Variants in CREB3L2 observed in about 807,000 individuals in gnomAD.
CREB3L2 encodes the protein cAMP responsive element binding protein 3 like 2, also known as cyclic AMP-responsive element-binding protein 3-like protein 2.
A neutral mutation model predicts 57.2 loss-of-function variants in CREB3L2; 23 were observed. The ratio of observed to expected loss-of-function variants is 0.40; its 90% confidence interval spans 0.29 to 0.57. CREB3L2 has a LOEUF of 0.57. CREB3L2 is among the 20% of genes least tolerant of loss of function. CREB3L2 has a pLI of 0.42. For missense variants in CREB3L2, 628 were observed against 634.7 expected (o/e 0.99, Z 0.11); for synonymous variants, 268 against 265.1 (o/e 1.01, Z -0.11).
intron 2 of CREB3L2, among the ~76,000 whole-genome samples, chr7:137,927,720 T>A (rs534377278): frequency 2.7e-4 from 40 of 147,684 alleles, no homozygotes; most frequent in Non-Finnish European, 5.8e-4. Flanking sequence ...ATGGGGTCAA[T>A]AGAACATGAT....
intron 1 of CREB3L2, among the ~76,000 whole-genome samples, chr7:137,971,533 C>G (rs1585667625): frequency 6.6e-6 from 1 of 152,012 alleles, no homozygotes; most frequent in East Asian, 1.9e-4. Flanking sequence ...AGAACTTGAT[C>G]TTTTTGCGGC....
intron 8 of CREB3L2, among the ~76,000 whole-genome samples, chr7:137,900,664 C>T (rs983181711): frequency 2.6e-5 from 4 of 151,494 alleles, no homozygotes; most frequent in South Asian, 2.1e-4. Context: ...ATTAGCCGGA[C>T]GTGGTGGCGC....
Position 138,001,565 on chromosome 7 carries a change from G to C in CREB3L2, c.102+39C>G. The C allele has an allele frequency of 3.3e-6, 5 of 1,500,600 alleles. No homozygotes were observed. The highest frequency in any genetic ancestry group is 4.6e-6 in the Non-Finnish European group (5 of 1,090,772). 93.0% of individuals were successfully genotyped at this position (1,500,600 alleles called of 1,614,324 possible). A position where few individuals can be genotyped will look rare whatever the true frequency, so the allele number is the denominator to read the frequency against. Reference sequence around the variant, plus strand: ...GCTCCTCGCGTGACAACACTTGCCCGCTTTGAAAGCCCTCCTGCCCCGCCC... The same window carrying C: ...GCTCCTCGCGTGACAACACTTGCCCCCTTTGAAAGCCCTCCTGCCCCGCCC... On this transcript the variant is annotated intron_variant, in intron 1 of 11. Transcript: ENST00000330387. The surrounding 1 kb of genome is among the most constrained non-coding windows in gnomAD (Gnocchi z 4.2).
intron 8 of CREB3L2, among the ~76,000 whole-genome samples, chr7:137,889,474 A>G (rs950580846): frequency 6.6e-6 from 1 of 152,228 alleles, no homozygotes; most frequent in African/African-American, 2.4e-5. Context: ...TGGTTGTTTA[A>G]TAGTCCCTGA....
intron 6 of CREB3L2, among the ~76,000 whole-genome samples, chr7:137,904,588 C>T (rs561688240): frequency 5.9e-5 from 9 of 152,040 alleles, no homozygotes; most frequent in Non-Finnish European, 1.2e-4. Flanking sequence ...CGCTTGAGTC[C>T]GGGAGGCAGA....
intron 3 of CREB3L2, among the ~76,000 whole-genome samples, chr7:137,913,406 C>A (rs1800057876): frequency 6.6e-6 from 1 of 150,952 alleles, no homozygotes. Context: ...ACTTGGGAGG[C>A]TGAGGCAGGA....
chr7:137,916,437 C>T (rs1300550759), intron 2 of CREB3L2, among the ~76,000 whole-genome samples: 5 of 152,140 alleles, frequency 3.3e-5, no homozygotes, highest in South Asian at 4.2e-4. Flanking sequence ...AAGAAGCAGC[C>T]GGGCACAGTG....
chr7:137,882,340 C>T lies in CREB3L2; in HGVS notation c.1487+72G>A, dbSNP rs55868765. 9,015 of 1,145,184 alleles carry T rather than the reference C, an allele frequency of 7.9e-3. 305 individuals are homozygous for T. In the African/African-American group the frequency reaches 0.096, roughly 12 times the overall value. The allele number at this position is 1,145,184 out of a possible 1,614,324, so 70.9% of individuals were successfully genotyped here. A position where few individuals can be genotyped will look rare whatever the true frequency, so the allele number is the denominator to read the frequency against. ...AGGCCTATGGAGAGTCTCAACCTCA[C>T]ATCTCAGGTTGCTGACTCATAACCC... On this transcript the variant is annotated intron_variant, in intron 11 of 11. Transcript: ENST00000330387.
intron 1 of CREB3L2, among the ~76,000 whole-genome samples, chr7:137,999,181 CT>C (rs1019631851): frequency 1.3e-5 from 2 of 152,102 alleles, no homozygotes; most frequent in African/African-American, 4.8e-5. Context: ...AGCTAACACT[CT>C]TACCTCCTTC....
intron 8 of CREB3L2, among the ~76,000 whole-genome samples, chr7:137,891,580 CTTT>C (rs112052063): frequency 6.9e-6 from 1 of 144,674 alleles, no homozygotes. Flanking sequence ...GACATACTTT[CTTT>C]TTTTTTTTTG....
intron 4 of CREB3L2, 102 bp downstream of exon 4, chr7:137,912,889 A>G: frequency 6.4e-7 from 1 of 1,560,448 alleles, no homozygotes; most frequent in African/African-American, 1.4e-5. Context: ...CAGCTACAAC[A>G]TCTGTGGTAC....
At chr7:137,956,780 T>C (rs1294247483) in intron 1 of CREB3L2, 1 of 470,486 alleles carries the variant, frequency 2.1e-6, no homozygotes, top group African/African-American at 2.0e-5. Context: ...AGGCCCCACC[T>C]AAAAGAGTTA....
chr7:137,934,159 A>G (rs1800728085), intron 1 of CREB3L2, among the ~76,000 whole-genome samples: 1 of 152,236 alleles, frequency 6.6e-6, no homozygotes, highest in Admixed American at 6.5e-5. Context: ...AATACTCACG[A>G]CAATCCTGTA....
intron 2 of CREB3L2, among the ~76,000 whole-genome samples, chr7:137,925,913 C>T (rs1272691318): frequency 1.3e-5 from 2 of 152,196 alleles, no homozygotes; most frequent in East Asian, 3.8e-4. Flanking sequence ...ATATATCTGA[C>T]CCACTGTACC....
At position 137,947,024 on chromosome 7, in the gene CREB3L2, A is replaced by AGTTATATATATATAGTTATATATATAGT. The variant is rs1223211935; in HGVS notation, c.103-18659_103-18658insACTATATATATAACTATATATATATAAC. ...GTTATATATATATAGTTATATATAT[A>AGTTATATATATATAGTTATATATATAGT]TATATAGTTCAATCCATAGACTGAA... On this transcript the variant is annotated intron_variant, in intron 1 of 11. Transcript: ENST00000330387. 7.3e-5 allele frequency among the ~76,000 whole-genome samples: 10 copies of AGTTATATATATATAGTTATATATATAGT among 136,948 alleles called. 1 individual carries two copies. The highest frequency in any genetic ancestry group is 2.9e-4 in the African/African-American group (10 of 34,288). 89.8% of individuals were successfully genotyped at this position (136,948 alleles called of 152,430 possible).
At chr7:137,900,367 T>C (rs1799725122) in intron 8 of CREB3L2, among the ~76,000 whole-genome samples, 1 of 152,234 alleles carries the variant, frequency 6.6e-6, no homozygotes, top group Non-Finnish European at 1.5e-5. Context: ...AGTTCATAGC[T>C]GTAAAGTGCT....
intron 1 of CREB3L2, among the ~76,000 whole-genome samples, chr7:137,961,704 T>C (rs1316320353): frequency 2.6e-5 from 4 of 152,136 alleles, no homozygotes; most frequent in Non-Finnish European, 4.4e-5. Flanking sequence ...ACAAAAGCTT[T>C]CCTTTTCCCA....
At chr7:137,998,665 C>T (rs537509750) in intron 1 of CREB3L2, among the ~76,000 whole-genome samples, 2 of 152,282 alleles carry the variant, frequency 1.3e-5, no homozygotes, top group South Asian at 2.1e-4. Context: ...ATAAAAATGG[C>T]TCATTTCACT....
chr7:137,900,895 C>T (rs1467199870), intron 8 of CREB3L2, among the ~76,000 whole-genome samples: 2 of 152,028 alleles, frequency 1.3e-5, no homozygotes, highest in Admixed American at 1.3e-4. Context: ...ATGAAGTGGC[C>T]AGTGCCTCCT....
Sources: gnomAD v4.1 joint callset for allele counts (sites outside exome capture counted in the v4.1 genomes callset) on GRCh38, gnomAD v4.1.1 for gene constraint, Gnocchi (gnomAD v3.1) non-coding constraint, MANE v1.5 for transcripts, NCBI Gene and HGNC (gene_info 2026-07-23, HGNC 2026-07-21) for gene names.